Variants in FCER2 observed in about 807,000 individuals in gnomAD.
FCER2 encodes the protein low affinity immunoglobulin epsilon Fc receptor.
In FCER2, 38 loss-of-function variants were observed where a neutral mutation model predicts 49.7. That is an observed-to-expected ratio of 0.76 (90% confidence interval 0.59 to 1.00). The LOEUF is 1.00. Ranked by LOEUF, FCER2 falls within the 50% of genes least tolerant of loss-of-function variation. The probability of loss-of-function intolerance (pLI) is 0.00; values close to 1 mark genes in which losing one functional copy is unlikely to be tolerated. For synonymous variants in FCER2, 163 were observed against 164.6 expected, an observed-to-expected ratio of 0.99 and a Z score of 0.07; for missense variants, 425 against 419.5, an observed-to-expected ratio of 1.01 and a Z score of -0.11.
At position 7,688,890 on chromosome 19, in the gene FCER2, G is replaced by C. The variant is rs972169215; in HGVS notation, c.*303C>G. 4 of 383,122 alleles carry C rather than the reference G, an allele frequency of 1.0e-5. No homozygotes were observed. The highest frequency in any genetic ancestry group is 8.5e-5 in the Admixed American group (2 of 23,636). 23.7% of individuals were successfully genotyped at this position (383,122 alleles called of 1,614,324 possible). ...GAGGAGATGGGGCTGCATCTGGAGA[G>C]GGTGCTGTTGGGGTGTACTCTCATC... is the stretch of plus-strand genomic sequence containing the variant. On this transcript the variant is annotated 3_prime_UTR_variant, in exon 11 of 11. Transcript: ENST00000597921.
intron 10 of FCER2, 70 bp from the exon 11 acceptor site, chr19:7,689,500 G>T: frequency 2.1e-6 from 2 of 955,312 alleles, no homozygotes; most frequent in Non-Finnish European, 3.1e-6. Flanking sequence ...AGCCCTCTGA[G>T]TCTGCACCCT....
rs537905897 is a variant in FCER2 at position 7,699,864 on chromosome 19, A to G, written c.-85-19T>C. 11 of 1,116,218 alleles carry G rather than the reference A, an allele frequency of 9.9e-6. No individual in the cohort carries two copies. Among genetic ancestry groups the G allele is most frequent in the African/African-American group, 1.5e-5 (1 of 65,440 alleles). The allele number at this position is 1,116,218 out of a possible 1,614,324, so 69.1% of individuals were successfully genotyped here. A position where few individuals can be genotyped will look rare whatever the true frequency, so the allele number is the denominator to read the frequency against. On this transcript the variant is annotated intron_variant, in intron 1 of 10. Coordinates refer to ENST00000597921, the MANE Select transcript of FCER2 (RefSeq NM_001220500.2). ...GCTCTGGCTGATTTGGGATTTAATG[A>G]TGGTTAGGGTGAGCCATCAAATCCT...
chr19:7,690,254 G>A lies in FCER2; in HGVS notation c.633C>T (p.Thr211=), dbSNP rs2032823130. The A allele has an allele frequency of 6.2e-7, 1 of 1,613,742 alleles. No individual in the cohort carries two copies. The highest frequency in any genetic ancestry group is 2.2e-5 in the East Asian group (1 of 44,868). ...AGGAGCCGGTGTGGCTGGCATGCTT[G>A]GTCAGGAAGTCCTGGGGGACAGGAC... The part of the protein sequence containing the change: ...IHSPEEQDFL[T]KHASHTGSWI... The change falls in exon 10 of 11, where the codon ACC becomes ACT. Residue 211 remains threonine, a synonymous_variant. Transcript: ENST00000597921.
chr19:7,691,617 C>T (rs1311385572), intron 8 of FCER2, among the ~76,000 whole-genome samples: 2 of 151,856 alleles, frequency 1.3e-5, no homozygotes, highest in African/African-American at 4.8e-5. Context: ...TCAAACACCT[C>T]ATGCCAGCAG....
chr19:7,690,125 C>A, intron 10 of FCER2, 34 bp downstream of exon 10: 1 of 1,346,936 alleles, frequency 7.4e-7, no homozygotes, highest in Non-Finnish European at 1.1e-6. Flanking sequence ...GTATTTCCAT[C>A]TCCTCCCCTG....
At position 7,691,840 on chromosome 19, in the gene FCER2, C is replaced by A. The variant is rs1468086718; in HGVS notation, c.470-1283G>T. On this transcript the variant is annotated intron_variant, in intron 8 of 10. Transcript: ENST00000597921. The stretch of plus-strand genomic sequence containing the variant: ...ATGACTACATTGCCAGTTCCACAGC[C>A]AGCAACACTGCAACTGCAAACACTG... Among the ~76,000 whole-genome samples the A allele has an allele frequency of 2.6e-5, 4 of 152,168 alleles. 1 individual carries two copies. Among genetic ancestry groups the A allele is most frequent in the Admixed American group, 6.5e-5 (1 of 15,274 alleles).
chr19:7,693,870 A>G (rs2032946519), intron 8 of FCER2, among the ~76,000 whole-genome samples: 1 of 151,370 alleles, frequency 6.6e-6, no homozygotes, highest in Admixed American at 6.6e-5. Context: ...GCTGGTCTCG[A>G]TCTCCTGACC....
At chr19:7,697,402 T>C in intron 5 of FCER2, 104 bp from the exon 6 acceptor site, 1 of 1,477,776 alleles carries the variant, frequency 6.8e-7, no homozygotes, top group East Asian at 2.3e-5. Context: ...TGGAACCACC[T>C]GCTCAGTTTG....
intron 10 of FCER2, among the ~76,000 whole-genome samples, 199 bp downstream of exon 10, chr19:7,689,960 C>T (rs1376182161): frequency 6.6e-6 from 1 of 152,092 alleles, no homozygotes; most frequent in Non-Finnish European, 1.5e-5. Context: ...CTCCCTGAGC[C>T]CCTTCCTCTA....
At position 7,697,125 on chromosome 19, in the gene FCER2, C is replaced by T. The variant is rs778079414; in HGVS notation, c.317-50G>A. ...TGGTCTCAGGGAGGATGTGTACAGG[C>T]CGAGGGTGCCCCCCAAGCCTGGCCC... is the stretch of plus-strand genomic sequence containing the variant. On this transcript the variant is annotated intron_variant, in intron 6 of 10. Transcript: ENST00000597921. The T allele has an allele frequency of 2.0e-5, 32 of 1,609,936 alleles. No homozygotes were observed. The East Asian group carries it at 7.1e-4, about 36-fold the overall frequency.
chr19:7,697,701 G>A (rs2033055050), intron 4 of FCER2, 112 bp from the exon 5 acceptor site: 1 of 813,888 alleles, frequency 1.2e-6, no homozygotes, highest in Non-Finnish European at 2.1e-6. Context: ...AGCTGCTGTT[G>A]CTGTTTGTTC....
At chr19:7,698,628 T>A in intron 3 of FCER2, 113 bp downstream of exon 3, 1 of 1,434,360 alleles carries the variant, frequency 7.0e-7, no homozygotes, top group Non-Finnish European at 9.5e-7. Context: ...ATGGGAAAAT[T>A]GGGTTTTGAG....
At chr19:7,691,819 C>T (rs1013054943) in intron 8 of FCER2, among the ~76,000 whole-genome samples, 6 of 152,132 alleles carry the variant, frequency 3.9e-5, no homozygotes, top group African/African-American at 1.4e-4. Flanking sequence ...AACACCATGA[C>T]TACATTGCCA....
intron 8 of FCER2, among the ~76,000 whole-genome samples, 185 bp from the exon 9 acceptor site, chr19:7,690,742 T>G (rs938993173): frequency 6.6e-6 from 1 of 152,048 alleles, no homozygotes; most frequent in Non-Finnish European, 1.5e-5. Context: ...GCTGACCAGA[T>G]CCATAGTAGA....
In FCER2 at chr19:7,690,216, C is replaced by G. The variant is rs756205377; in HGVS notation, c.671G>C (p.Arg224Pro). The G allele has an allele frequency of 3.1e-6, 5 of 1,614,072 alleles. No homozygotes were observed. The highest frequency in any genetic ancestry group is 1.7e-5 in the Admixed American group (1 of 60,014). ...ASHTGSWIGL[R>P]NLDLKGEFIW... is the part of the protein sequence containing the mutation. The stretch of plus-strand genomic sequence containing the variant: ...AAACTCCCCCTTCAGGTCCAAGTTC[C>G]GAAGGCCAATCCAGGAGCCGGTGTG... Residue 224 changes from arginine (R) to proline (P), a missense_variant, in exon 10 of 11, where the codon CGG becomes CCG. Arg to Pro is a moderately radical substitution (Grantham distance 103). Coordinates refer to ENST00000597921, the MANE Select transcript of FCER2 (RefSeq NM_001220500.2).
At position 7,689,343 on chromosome 19, in the gene FCER2, G is replaced by A. The variant is rs2032792066; in HGVS notation, c.816C>T (p.Phe272=). The A allele has an allele frequency of 6.2e-7, 1 of 1,612,126 alleles. No individual in the cohort carries two copies. The highest frequency in any genetic ancestry group is 8.5e-7 in the Non-Finnish European group (1 of 1,179,478). ...CCCAGGCGCCCAGCTTACGGTCGCA[G>A]AAGGCGTCGTTCCAGCGACCGGAGC... ...MRGSGRWNDA[F]CDRKLGAWVC... The change falls in exon 11 of 11, where the codon TTC becomes TTT. Residue 272 remains phenylalanine (F), a synonymous_variant. Coordinates refer to ENST00000597921, the MANE Select transcript of FCER2 (RefSeq NM_001220500.2).
At chr19:7,699,334 T>C (rs1372982291) in intron 2 of FCER2, 1 of 1,185,378 alleles carries the variant, frequency 8.4e-7, no homozygotes, top group Non-Finnish European at 1.1e-6. Flanking sequence ...CCCAAAGGTC[T>C]ATCTGGATGT....
intron 10 of FCER2, 34 bp from the exon 11 acceptor site, chr19:7,689,464 C>A (rs778583417): frequency 7.1e-7 from 1 of 1,409,066 alleles, no homozygotes; most frequent in South Asian, 1.2e-5. Flanking sequence ...GGGGATGGGG[C>A]GGGGAGAAGG....
rs200319365 is a variant in FCER2, at chr19:7,690,132, C to G, written c.728+27G>C. 1,233 of 1,423,238 alleles carry G rather than the reference C, an allele frequency of 8.7e-4. 15 individuals carry two copies. In the Middle Eastern group the frequency reaches 0.012, roughly 13 times the overall value. The allele number at this position is 1,423,238 out of a possible 1,614,324, so 88.2% of individuals were successfully genotyped here. A position where few individuals can be genotyped will look rare whatever the true frequency, so the allele number is the denominator to read the frequency against. ...CCTCCACGGTATTTCCATCTCCTCC[C>G]CTGGATCCCAGAGGCCCCCTCCTCA... is the stretch of plus-strand genomic sequence containing the variant. On this transcript the variant is annotated intron_variant, in intron 10 of 10. Coordinates refer to ENST00000597921, the MANE Select transcript of FCER2 (RefSeq NM_001220500.2).
Sources: gnomAD v4.1 joint callset for allele counts (sites outside exome capture counted in the v4.1 genomes callset) on GRCh38, gnomAD v4.1.1 for gene constraint, MANE v1.5 for transcripts, NCBI Gene and HGNC (gene_info 2026-07-23, HGNC 2026-07-21) for gene names.